DCDC1: variants seen among roughly 807,000 people sequenced by gnomAD.
The protein encoded by DCDC1 is doublecortin domain containing 1.
A neutral mutation model predicts 178.3 loss-of-function variants in DCDC1; 200 were observed. That is an observed-to-expected ratio of 1.12 (90% CI 1.00 to 1.26). The LOEUF (loss-of-function observed/expected upper bound fraction) is 1.26. Ranked by LOEUF, DCDC1 falls within the 50% of genes most tolerant of loss-of-function variation. The probability of loss-of-function intolerance (pLI) is 0.00; values close to 1 mark genes in which losing one functional copy is unlikely to be tolerated. For missense variants in DCDC1, 1,983 were observed against 1,749.2 expected, an observed-to-expected ratio of 1.13 and a Z score of -2.38; for synonymous variants, 690 against 604.8, an observed-to-expected ratio of 1.14 and a Z score of -2.07.
chr11:31,234,013 T>C (rs1976144730), intron 9 of DCDC1, among the ~76,000 whole-genome samples: 1 of 152,234 alleles, frequency 6.6e-6, no homozygotes, highest in African/African-American at 2.4e-5. Flanking sequence ...GTAACTCACC[T>C]GTGGTTTGCC....
intron 17 of DCDC1, among the ~76,000 whole-genome samples, chr11:31,088,266 A>G (rs956216583): frequency 6.6e-6 from 1 of 152,164 alleles, no homozygotes; most frequent in East Asian, 1.9e-4. Flanking sequence ...CTAATCTAAT[A>G]ATGTCTGATT....
At chr11:30,977,639 G>T (rs550300481) in intron 20 of DCDC1, among the ~76,000 whole-genome samples, 28 of 152,180 alleles carry the variant, frequency 1.8e-4, no homozygotes, top group African/African-American at 6.5e-4. Flanking sequence ...ATTTAGAAAG[G>T]TTATTGCTGG....
At chr11:30,913,748 G>A (rs1363923796) in intron 27 of DCDC1, among the ~76,000 whole-genome samples, 1 of 152,196 alleles carries the variant, frequency 6.6e-6, no homozygotes, top group African/African-American at 2.4e-5. Context: ...ATCTCATAGA[G>A]TTTTAGGCAG....
intron 20 of DCDC1, among the ~76,000 whole-genome samples, chr11:30,982,255 A>C (rs1212370616): frequency 1.3e-5 from 2 of 152,206 alleles, no homozygotes; most frequent in South Asian, 2.1e-4. Context: ...AGGTGAGTTA[A>C]AGTTACAAGC....
At chr11:31,271,666 A>G (rs1433630080) in intron 7 of DCDC1, among the ~76,000 whole-genome samples, 1 of 152,238 alleles carries the variant, frequency 6.6e-6, no homozygotes, top group Non-Finnish European at 1.5e-5. Flanking sequence ...TGAGCATTGT[A>G]TTAGTCCATT....
chr11:30,965,191 A>C (rs1949355082), intron 20 of DCDC1, among the ~76,000 whole-genome samples: 1 of 152,232 alleles, frequency 6.6e-6, no homozygotes, highest in South Asian at 2.1e-4. Context: ...AGGTGTACAC[A>C]CATAACTTAA....
chr11:31,123,641 A>G (rs1458471085), intron 11 of DCDC1, among the ~76,000 whole-genome samples: 1 of 151,988 alleles, frequency 6.6e-6, no homozygotes, highest in Non-Finnish European at 1.5e-5. Flanking sequence ...TGAGATGTGG[A>G]AGAGGAACTT....
intron 20 of DCDC1, among the ~76,000 whole-genome samples, chr11:31,021,244 T>G (rs1158446448): frequency 1.3e-5 from 2 of 152,206 alleles, no homozygotes; most frequent in African/African-American, 4.8e-5. Context: ...ATTCTATGTA[T>G]TTATACATAT....
Position 31,307,826 on chromosome 11 carries a change from C to T in DCDC1, c.247G>A (p.Val83Met), listed in dbSNP as rs2761591. ...CCTTCTGATACTGCTGCTGAATGCA[C>T]GAGTCTGTTGGGGCCAAACTGAGAC... is the stretch of plus-strand genomic sequence containing the variant. ...LQSQFGPNRL[V>M]HSAAVSEGSG... Residue 83 changes from valine to methionine, a missense_variant, in exon 4 of 39, where the codon GTG becomes ATG. Coordinates refer to ENST00000684477, the MANE Select transcript of DCDC1 (RefSeq NM_001387274.1). 0.024 allele frequency: 38,951 copies of T among 1,613,944 alleles called. 4,512 individuals are homozygous for T. In the African/African-American group the frequency reaches 0.3, roughly 12 times the overall value.
At chr11:31,013,395 CT>C (rs1237919506) in intron 20 of DCDC1, among the ~76,000 whole-genome samples, 1 of 151,974 alleles carries the variant, frequency 6.6e-6, no homozygotes, top group Non-Finnish European at 1.5e-5. Flanking sequence ...TGTTCTTGTC[CT>C]TTTGTCCCAG....
At chr11:31,211,212 T>TGTGGC (rs1972494314) in intron 9 of DCDC1, among the ~76,000 whole-genome samples, 1 of 152,188 alleles carries the variant, frequency 6.6e-6, no homozygotes, top group Non-Finnish European at 1.5e-5. Flanking sequence ...TCACACTACA[T>TGTGGC]TATTCAAACT....
At chr11:31,230,670 T>G (rs149320194) in intron 9 of DCDC1, among the ~76,000 whole-genome samples, 1 of 152,212 alleles carries the variant, frequency 6.6e-6, no homozygotes, top group African/African-American at 2.4e-5. Flanking sequence ...TTTACTCACA[T>G]GCTATCTCAA....
chr11:31,241,327 G>T, intron 9 of DCDC1, 123 bp downstream of exon 9: 1 of 388,284 alleles, frequency 2.6e-6, no homozygotes, highest in Non-Finnish European at 4.6e-6. Flanking sequence ...TCCCTAACAG[G>T]CACTGAGCTC....
intron 20 of DCDC1, among the ~76,000 whole-genome samples, chr11:30,974,005 A>G (rs1949961960): frequency 6.6e-6 from 1 of 152,194 alleles, no homozygotes; most frequent in African/African-American, 2.4e-5. Flanking sequence ...ACAAGTCCCA[A>G]CATATTTTAA....
At chr11:30,937,731 C>A (rs1415744525) in intron 21 of DCDC1, among the ~76,000 whole-genome samples, 1 of 152,130 alleles carries the variant, frequency 6.6e-6, no homozygotes, top group East Asian at 1.9e-4. Flanking sequence ...CATCAATCTT[C>A]CACAGTTTCT....
rs532581310 is a variant in DCDC1, at chr11:31,110,581, G to A, written c.1486-220C>T. On this transcript the variant is annotated intron_variant, in intron 11 of 38. Transcript: ENST00000684477. ...TCAACAGCACTAAAAGAAAAGAAAG[G>A]CTCCTGCTTCTCCTTTTGGTTTCAG... 1.6e-4 allele frequency among the ~76,000 whole-genome samples: 25 copies of A among 152,108 alleles called. No homozygotes were observed. The South Asian group carries it at 1.7e-3, about 10-fold the overall frequency.
At chr11:31,234,752 A>C (rs191903515) in intron 9 of DCDC1, among the ~76,000 whole-genome samples, 2 of 152,302 alleles carry the variant, frequency 1.3e-5, no homozygotes, top group African/African-American at 4.8e-5. Flanking sequence ...TTGACAGAAC[A>C]GATAGGATGT....
rs1397688121 is a variant in DCDC1 at position 31,307,876 on chromosome 11, A to G, written c.197T>C (p.Ile66Thr). 4 of 1,614,084 alleles carry G rather than the reference A, an allele frequency of 2.5e-6. No individual in the cohort carries two copies. In the Middle Eastern group the frequency reaches 4.9e-4, roughly 200 times the overall value. The change falls in exon 4 of 39, where the codon ATT becomes ACT. Residue 66 changes from isoleucine to threonine, a missense_variant. Coordinates refer to ENST00000684477, the MANE Select transcript of DCDC1 (RefSeq NM_001387274.1). Reference sequence around the variant, plus strand: ...CTGCAAATAATCATCAGTAGTTTTAATAACTGCTTTTGCCTGGGATGACAT... The same window carrying G: ...CTGCAAATAATCATCAGTAGTTTTAGTAACTGCTTTTGCCTGGGATGACAT... ...EFMSSQAKAVIKTTDDYLQSQ... is the reference protein window; with the variant it reads ...EFMSSQAKAVTKTTDDYLQSQ...
At chr11:31,263,726 A>G (rs773291035) in intron 8 of DCDC1, among the ~76,000 whole-genome samples, 12 of 152,194 alleles carry the variant, frequency 7.9e-5, no homozygotes, top group Non-Finnish European at 1.5e-4. Context: ...CTGCTTTTAT[A>G]TAGTACAAGT....
Sources: allele counts gnomAD v4.1 joint callset (sites outside exome capture counted in the v4.1 genomes callset), GRCh38; gene constraint gnomAD v4.1.1; transcripts MANE v1.5; gene names NCBI Gene and HGNC (gene_info 2026-07-23, HGNC 2026-07-21).